The following TLL2 variants were observed in gnomAD, a reference collection of about 807,000 sequenced individuals.
TLL2 encodes tolloid like 2, also known as tolloid-like protein 2.
Under a neutral mutation model 123.0 loss-of-function variants are expected in TLL2, and 106 were observed. That is an observed-to-expected ratio of 0.86 (90% confidence interval 0.74 to 1.01). TLL2 has a LOEUF of 1.01. Among genes scored for constraint, TLL2 ranks in the 50% least tolerant of loss-of-function variants. The pLI, the probability that TLL2 is intolerant of heterozygous loss-of-function variation, is 0.00. For synonymous variants in TLL2, 494 were observed against 516.8 expected, an observed-to-expected ratio of 0.96 and a Z score of 0.60; for missense variants, 1,332 against 1,336.7, an observed-to-expected ratio of 1.00 and a Z score of 0.06.
At chr10:96,396,979 A>G (rs1846348732) in intron 11 of TLL2, among the ~76,000 whole-genome samples, 1 of 152,130 alleles carries the variant, frequency 6.6e-6, no homozygotes, top group East Asian at 1.9e-4. Flanking sequence ...GAAGGATGGC[A>G]CTACTTCTGA....
At chr10:96,384,383 G>T (rs1846210596) in intron 16 of TLL2, among the ~76,000 whole-genome samples, 1 of 152,168 alleles carries the variant, frequency 6.6e-6, no homozygotes, top group South Asian at 2.1e-4. Context: ...GTGGTAATTT[G>T]TTATGGCAGC....
rs547537710 is a variant in TLL2, at chr10:96,479,680, T to C, written c.286+669A>G. 3.3e-5 allele frequency among the ~76,000 whole-genome samples: 5 copies of C among 152,354 alleles called. No individual in the cohort carries two copies. In the South Asian group the frequency reaches 1.0e-3, roughly 32 times the overall value. ...GTTCACCAGAACCCCTACAGCCCAG[T>C]GGGCAAAGCCCAAGCTCATGAGTTC... On this transcript the variant is annotated intron_variant, in intron 2 of 20. Transcript: ENST00000357947.
At chr10:96,446,358 G>A (rs11188758) in intron 2 of TLL2, among the ~76,000 whole-genome samples, 190 bp from the exon 3 acceptor site, 18,091 of 152,170 alleles carry the variant, frequency 0.12, 1,325 homozygotes, top group South Asian at 0.17. Context: ...GGGCAAAAAC[G>A]AACCTGCTTT....
At position 96,474,995 on chromosome 10, in the gene TLL2, A is replaced by C. The variant is rs537154436; in HGVS notation, c.286+5354T>G. ...TATAAGCATGTCAGTCAATAGATTT[A>C]GGATCCACCCTAAATCCAGGAGGAT... On this transcript the variant is annotated intron_variant, in intron 2 of 20. Transcript: ENST00000357947. 3.9e-5 allele frequency among the ~76,000 whole-genome samples: 6 copies of C among 152,296 alleles called. No homozygotes were observed. In the South Asian group the frequency reaches 1.2e-3, roughly 32 times the overall value.
chr10:96,413,041 A>C, intron 8 of TLL2, 151 bp downstream of exon 8: 1 of 1,132,156 alleles, frequency 8.8e-7, no homozygotes, highest in Admixed American at 2.8e-5. Context: ...TCACCTTTCT[A>C]TACTGCCTAG....
chr10:96,428,327 G>A (rs893160507), intron 5 of TLL2, among the ~76,000 whole-genome samples: 3 of 152,020 alleles, frequency 2.0e-5, no homozygotes, highest in African/African-American at 4.8e-5. Flanking sequence ...ATTCTAAATG[G>A]GGACACAAAC....
chr10:96,505,599 C>A (rs1233243383), intron 1 of TLL2, among the ~76,000 whole-genome samples: 1 of 152,204 alleles, frequency 6.6e-6, no homozygotes, highest in African/African-American at 2.4e-5. Context: ...AGTGTCCCAG[C>A]AAGCCTAGGC....
chr10:96,380,308 T>C (rs539916116), intron 16 of TLL2, among the ~76,000 whole-genome samples: 25 of 152,016 alleles, frequency 1.6e-4, no homozygotes, highest in Non-Finnish European at 2.6e-4. Flanking sequence ...ACTTTAGGGG[T>C]CAGCCCTGTC....
chr10:96,395,178 A>G lies in TLL2; in HGVS notation c.1726+9T>C, dbSNP rs1282376999. 6.3e-7 allele frequency: 1 copy of G among 1,593,718 alleles called. No homozygotes were observed. The highest frequency in any genetic ancestry group is 8.6e-7 in the Non-Finnish European group (1 of 1,169,074). On this transcript the variant is annotated intron_variant, in intron 13 of 20. Transcript: ENST00000357947. Reference sequence around the variant, plus strand: ...TGCCTAAAAGTGGAAACAAACTGCTAATTCATACCCTTGAAAAAATTGGCT... The same window carrying G: ...TGCCTAAAAGTGGAAACAAACTGCTGATTCATACCCTTGAAAAAATTGGCT...
At chr10:96,486,392 C>T (rs1847357039) in intron 1 of TLL2, among the ~76,000 whole-genome samples, 2 of 152,254 alleles carry the variant, frequency 1.3e-5, no homozygotes, top group African/African-American at 2.4e-5. Flanking sequence ...ATTAACTACC[C>T]TACTTCAGTT....
chr10:96,443,115 T>C (rs1846865174), intron 3 of TLL2, among the ~76,000 whole-genome samples: 1 of 152,188 alleles, frequency 6.6e-6, no homozygotes, highest in African/African-American at 2.4e-5. Flanking sequence ...CAATATCTAT[T>C]GCTGGGGAGC....
rs780560172 is a variant in TLL2, at chr10:96,379,042, T to G, written c.2245A>C (p.Asn749His). 1 of 1,614,172 alleles carries G rather than the reference T, an allele frequency of 6.2e-7. No individual in the cohort carries two copies. Among genetic ancestry groups the G allele is most frequent in the South Asian group, 1.1e-5 (1 of 91,072 alleles). The change falls in exon 17 of 21, where the codon AAC (asparagine) becomes CAC (histidine). Residue 749 changes from asparagine to histidine, a missense_variant. Physicochemically the swap from Asn to His is moderately conservative, Grantham distance 68. Coordinates refer to ENST00000357947, the MANE Select transcript of TLL2 (RefSeq NM_012465.4). ...CTGCACAGGTAGCTCCCGAAGGTGT[T>G]GACGCACTCATGCTGACACCCGCCG... The part of the protein sequence containing the change: ...DNGGCQHECV[N>H]TFGSYLCRCR...
intron 8 of TLL2, among the ~76,000 whole-genome samples, chr10:96,411,387 T>G (rs754147966): frequency 6.6e-6 from 1 of 151,852 alleles, no homozygotes; most frequent in Non-Finnish European, 1.5e-5. Context: ...GCTACTCACT[T>G]CTGAAAGAAC....
At chr10:96,501,210 ACATTTCATGTTAAAC>A (rs1438905458) in intron 1 of TLL2, among the ~76,000 whole-genome samples, 1 of 152,198 alleles carries the variant, frequency 6.6e-6, no homozygotes, top group Non-Finnish European at 1.5e-5. Flanking sequence ...GTTAAGGAAA[ACATTTCATGTTAAAC>A]CATTATCTCC....
chr10:96,426,797 T>C (rs1271243533), intron 5 of TLL2, among the ~76,000 whole-genome samples: 2 of 152,224 alleles, frequency 1.3e-5, no homozygotes, highest in Non-Finnish European at 2.9e-5. Flanking sequence ...ATCTGTTGTT[T>C]TCTGTTTGTT....
rs1438729166 is a variant in TLL2 at position 96,480,352 on chromosome 10, T to G, written c.283A>C (p.Thr95Pro). The G allele has an allele frequency of 6.2e-6, 10 of 1,613,926 alleles. No individual in the cohort carries two copies. Among genetic ancestry groups the G allele is most frequent in the African/African-American group, 1.3e-5 (1 of 74,922 alleles). ...KQTVGATGHS[T>P]GGLEEQASES... is the part of the protein sequence containing the mutation. ...GAAGGGAGGAAGCAGTACCTACCTG[T>G]GCTGTGTCCTGTTGCCCCCACTGTC... The change falls in exon 2 of 21, where the codon ACA (threonine) becomes CCA (proline). Residue 95 changes from threonine to proline, a missense_variant. By Grantham distance (38) the Thr-to-Pro change is conservative. Coordinates refer to ENST00000357947, the MANE Select transcript of TLL2 (RefSeq NM_012465.4).
At chr10:96,423,566 CCA>C (rs969479780) in intron 5 of TLL2, among the ~76,000 whole-genome samples, 6 of 152,080 alleles carry the variant, frequency 3.9e-5, no homozygotes, top group African/African-American at 1.4e-4. Context: ...GGCTGTAACT[CCA>C]GTTTTTGCTA....
intron 5 of TLL2, among the ~76,000 whole-genome samples, chr10:96,425,260 TC>T (rs1388153953): frequency 1.8e-4 from 9 of 50,138 alleles, no homozygotes; most frequent in African/African-American, 6.4e-4. Flanking sequence ...ATTACTGTTT[TC>T]TCTCTCTCTC....
rs893346498 is a variant in TLL2 at position 96,373,862 on chromosome 10, G to C, written c.2449-53C>G. ...CAAGGGCCTGGCGTTCAGCTGGGGTGGGGGCCTCCTTTCCAGTTCTGGGAC... is the reference window on the plus strand; with the variant it reads ...CAAGGGCCTGGCGTTCAGCTGGGGTCGGGGCCTCCTTTCCAGTTCTGGGAC... On this transcript the variant is annotated intron_variant, in intron 18 of 20. Coordinates refer to ENST00000357947, the MANE Select transcript of TLL2 (RefSeq NM_012465.4). The C allele has an allele frequency of 7.7e-6, 12 of 1,548,976 alleles. No individual in the cohort carries two copies. The Admixed American group carries it at 1.4e-4, about 18-fold the overall frequency.
Sources: gnomAD v4.1 joint callset for allele counts (sites outside exome capture counted in the v4.1 genomes callset) on GRCh38, gnomAD v4.1.1 for gene constraint, MANE v1.5 for transcripts, NCBI Gene and HGNC (gene_info 2026-07-23, HGNC 2026-07-21) for gene names.